DAPK1: variants seen among roughly 807,000 people sequenced by gnomAD.
The protein encoded by DAPK1 is death associated protein kinase 1.
A neutral mutation model predicts 144.9 loss-of-function variants in DAPK1; 56 were observed. The ratio of observed to expected loss-of-function variants is 0.39; its 90% confidence interval spans 0.31 to 0.48. DAPK1 has a LOEUF of 0.48. Ranked by LOEUF, DAPK1 falls within the 20% of genes least tolerant of loss-of-function variation. The pLI, the probability that DAPK1 is intolerant of heterozygous loss-of-function variation, is 0.95. For synonymous variants in DAPK1, 690 were observed against 749.0 expected (o/e 0.92, Z 1.29); for missense variants, 1,454 against 1,875.4 (o/e 0.78, Z 4.15).
At chr9:87,682,596 T>C (rs531516726) in intron 20 of DAPK1, among the ~76,000 whole-genome samples, 1 of 152,296 alleles carries the variant, frequency 6.6e-6, no homozygotes, top group South Asian at 2.1e-4. Context: ...CCTTTTCAAC[T>C]TCTGTTCTCT....
At chr9:87,589,856 C>G (rs1828063536) in intron 2 of DAPK1, among the ~76,000 whole-genome samples, 1 of 152,160 alleles carries the variant, frequency 6.6e-6, no homozygotes, top group South Asian at 2.1e-4. Context: ...AATACAGGAG[C>G]CTGCACTCCA....
intron 19 of DAPK1, among the ~76,000 whole-genome samples, chr9:87,671,099 C>T (rs944052322): frequency 3.9e-5 from 6 of 152,164 alleles, no homozygotes; most frequent in Non-Finnish European, 7.3e-5. Flanking sequence ...GTCCTTCTCC[C>T]GTCCTCTGTC....
chr9:87,637,423 A>T (rs1183179498), intron 3 of DAPK1, among the ~76,000 whole-genome samples: 3 of 152,168 alleles, frequency 2.0e-5, no homozygotes, highest in African/African-American at 7.2e-5. Flanking sequence ...ATGTGTTAGT[A>T]TTTACATACA....
intron 2 of DAPK1, among the ~76,000 whole-genome samples, chr9:87,533,664 T>TCTGTC (rs1825769854): frequency 6.6e-6 from 1 of 151,650 alleles, no homozygotes; most frequent in Non-Finnish European, 1.5e-5. Context: ...CTTTTCCTGC[T>TCTGTC]CTGCCCTGCC....
chr9:87,612,183 C>G (rs1828953202), intron 3 of DAPK1, among the ~76,000 whole-genome samples: 1 of 152,220 alleles, frequency 6.6e-6, no homozygotes, highest in Non-Finnish European at 1.5e-5. Context: ...TCTCAACACT[C>G]TTACAATGGC....
At chr9:87,664,750 A>G (rs1283538771) in intron 18 of DAPK1, among the ~76,000 whole-genome samples, 1 of 152,166 alleles carries the variant, frequency 6.6e-6, no homozygotes, top group Non-Finnish European at 1.5e-5. Flanking sequence ...GTCAGACGTA[A>G]GTGAGATCTC....
chr9:87,659,636 C>T (rs1364681202), intron 18 of DAPK1, among the ~76,000 whole-genome samples: 1 of 152,114 alleles, frequency 6.6e-6, no homozygotes, highest in Non-Finnish European at 1.5e-5. Context: ...CCCTTGCCCA[C>T]GACATCTGTA....
In DAPK1 at chr9:87,648,899, CTCCCT is replaced by C. The variant is rs752883407; in HGVS notation, c.1428+24_1428+28del. The C allele has an allele frequency of 6.3e-7, 1 of 1,591,870 alleles. No individual in the cohort carries two copies. The highest frequency in any genetic ancestry group is 1.7e-5 in the Admixed American group (1 of 60,004). ...GACAAGGTGGGTCGTGACTGACATC[CTCCCT>C]TCCTCTGCTCTATACATGAATGTAC... On this transcript the variant is annotated intron_variant, in intron 15 of 25. Transcript: ENST00000408954.
chr9:87,625,315 C>G (rs1345956446), intron 3 of DAPK1, among the ~76,000 whole-genome samples: 4 of 152,224 alleles, frequency 2.6e-5, no homozygotes, highest in Non-Finnish European at 5.9e-5. Flanking sequence ...GCCTTGGACA[C>G]TGTAAGTCTA....
intron 2 of DAPK1, among the ~76,000 whole-genome samples, chr9:87,500,687 G>T (rs1797740497): frequency 6.6e-6 from 1 of 152,064 alleles, no homozygotes; most frequent in Non-Finnish European, 1.5e-5. Flanking sequence ...CCTGTGGTTG[G>T]CGAAGGGAGT....
chr9:87,700,646 G>A (rs1178702144), intron 24 of DAPK1, among the ~76,000 whole-genome samples: 1 of 151,956 alleles, frequency 6.6e-6, no homozygotes, highest in Non-Finnish European at 1.5e-5. Flanking sequence ...CTATAGGCAC[G>A]CACCACCATG....
At chr9:87,506,873 A>G (rs936641879) in intron 2 of DAPK1, 1 of 152,242 alleles carries the variant, frequency 6.6e-6, no homozygotes, top group African/African-American at 2.4e-5. Context: ...GATTTTCCAC[A>G]TCATCTAACT....
At chr9:87,561,190 A>G (rs866005998) in intron 2 of DAPK1, among the ~76,000 whole-genome samples, 5 of 152,296 alleles carry the variant, frequency 3.3e-5, no homozygotes, top group Admixed American at 2.6e-4. Context: ...TTGGGCAGCA[A>G]GAGTTGAGCC....
chr9:87,604,958 C>T lies in DAPK1; in HGVS notation c.67C>T (p.Gln23Ter). ...TCCTCCATCTTCTCTTTTCAGTGGA[C>T]AGTTTGCGGTTGTGAAGAAATGCCG... The part of the protein sequence containing the change: ...YDTGEELGSG[Q>*]FAVVKKCREK... The change falls in exon 3 of 26, where the codon CAG becomes TAG. Residue 23 changes from glutamine to a stop codon, truncating the protein, a stop_gained. Coordinates refer to ENST00000408954, the MANE Select transcript of DAPK1 (RefSeq NM_004938.4). LOFTEE classifies it high-confidence loss of function. 6.2e-7 allele frequency: 1 copy of T among 1,613,492 alleles called. No individual in the cohort carries two copies. The highest frequency in any genetic ancestry group is 2.2e-5 in the East Asian group (1 of 44,856).
intron 18 of DAPK1, among the ~76,000 whole-genome samples, chr9:87,664,959 C>CT: frequency 6.6e-6 from 1 of 152,354 alleles, no homozygotes; most frequent in Non-Finnish European, 1.5e-5. Flanking sequence ...GCCCGGGGGC[C>CT]TTTGCACTTG....
At position 87,512,586 on chromosome 9, in the gene DAPK1, A is replaced by G. The variant is rs144339440; in HGVS notation, c.62+13447A>G. Among the ~76,000 whole-genome samples the G allele has an allele frequency of 1.5e-3, 225 of 152,290 alleles. 2 individuals are homozygous for G. In the East Asian group the frequency reaches 0.032, roughly 21 times the overall value. ...TGCCCACTTACATGTCTAAGTACTC[A>G]TTCTGTTCCCCTGGAGTGGGGTCCA... On this transcript the variant is annotated intron_variant, in intron 2 of 25. Transcript: ENST00000408954.
intron 15 of DAPK1, 53 bp downstream of exon 15, chr9:87,648,932 G>T: frequency 6.9e-7 from 1 of 1,452,096 alleles, no homozygotes; most frequent in Non-Finnish European, 9.7e-7. Context: ...GAATGTACAG[G>T]CAGCCAGATG....
chr9:87,610,456 G>A (rs570019702), intron 3 of DAPK1, among the ~76,000 whole-genome samples: 163 of 152,382 alleles, frequency 1.1e-3, no homozygotes, highest in African/African-American at 3.8e-3. Context: ...CAAACTCACA[G>A]AACTTAAAGT....
chr9:87,573,869 A>G (rs1271349176), intron 2 of DAPK1, among the ~76,000 whole-genome samples: 1 of 152,224 alleles, frequency 6.6e-6, no homozygotes, highest in African/African-American at 2.4e-5. Context: ...TCATTACTGA[A>G]TGCTTAGGAT....
Sources: gnomAD v4.1 joint callset for allele counts (sites outside exome capture counted in the v4.1 genomes callset) on GRCh38, gnomAD v4.1.1 for gene constraint, MANE v1.5 for transcripts, NCBI Gene and HGNC (gene_info 2026-07-23, HGNC 2026-07-21) for gene names.